Variants in NLGN1 observed in about 807,000 individuals in gnomAD.
NLGN1 encodes neuroligin 1.
NLGN1 carries 12 observed loss-of-function variants against 65.5 expected under a neutral mutation model. That is an observed-to-expected ratio of 0.18 (90% confidence interval 0.12 to 0.30). NLGN1 has a LOEUF of 0.30. Ranked by LOEUF, NLGN1 falls within the 10% of genes least tolerant of loss-of-function variation. The pLI is 1.00. For missense variants in NLGN1, 750 were observed against 1,007.1 expected (o/e 0.74, Z 3.46); for synonymous variants, 350 against 359.5 (o/e 0.97, Z 0.30).
intron 3 of NLGN1, among the ~76,000 whole-genome samples, chr3:173,777,062 T>A (rs901927345): frequency 6.6e-6 from 1 of 151,926 alleles, no homozygotes; most frequent in Non-Finnish European, 1.5e-5. Context: ...AAATTCAAAT[T>A]TTTCACTCCT....
chr3:174,069,899 G>A (rs190494652), intron 4 of NLGN1, among the ~76,000 whole-genome samples: 2 of 152,314 alleles, frequency 1.3e-5, no homozygotes, highest in Admixed American at 6.5e-5. Context: ...ACTGGGTTGA[G>A]TGACTTAAGC....
At chr3:173,502,098 A>T (rs1020455719) in intron 2 of NLGN1, among the ~76,000 whole-genome samples, 3 of 151,954 alleles carry the variant, frequency 2.0e-5, no homozygotes, top group Non-Finnish European at 4.4e-5. Context: ...ACACTGTAAT[A>T]TTTTTTTCCA....
chr3:174,090,081 A>C (rs1045758964), intron 4 of NLGN1, among the ~76,000 whole-genome samples: 5 of 152,180 alleles, frequency 3.3e-5, no homozygotes, highest in African/African-American at 1.2e-4. Context: ...TTATTAAAAA[A>C]TGTAATCACT....
chr3:173,873,546 A>G (rs2150882908), intron 4 of NLGN1, among the ~76,000 whole-genome samples: 1 of 152,344 alleles, frequency 6.6e-6, no homozygotes, highest in African/African-American at 2.4e-5. Context: ...GGGGGTTATT[A>G]ACATAAAACA....
At chr3:173,828,931 G>GT (rs1553863088) in intron 4 of NLGN1, among the ~76,000 whole-genome samples, 2,238 of 101,904 alleles carry the variant, frequency 0.022, 71 homozygotes, top group African/African-American at 0.12. Flanking sequence ...GTTGCTTTTT[G>GT]GGGGGGATTA....
intron 3 of NLGN1, among the ~76,000 whole-genome samples, chr3:173,664,307 CACA>C (rs1761397779): frequency 6.6e-6 from 1 of 151,936 alleles, no homozygotes; most frequent in Admixed American, 6.6e-5. Context: ...TCAGAAAGCC[CACA>C]ACATTTATTT....
At chr3:174,084,693 C>T (rs1742913431) in intron 4 of NLGN1, among the ~76,000 whole-genome samples, 1 of 152,032 alleles carries the variant, frequency 6.6e-6, no homozygotes, top group Non-Finnish European at 1.5e-5. Flanking sequence ...TGAGAAAATA[C>T]TGTTCCTGAC....
At chr3:173,530,193 G>T (rs1736332981) in intron 2 of NLGN1, among the ~76,000 whole-genome samples, 1 of 152,120 alleles carries the variant, frequency 6.6e-6, no homozygotes. Context: ...GACCTCAAGT[G>T]ATCCTGCTGT....
intron 3 of NLGN1, among the ~76,000 whole-genome samples, chr3:173,754,011 A>C (rs1400227141): frequency 1.8e-5 from 2 of 113,454 alleles, no homozygotes; most frequent in Non-Finnish European, 3.7e-5. Flanking sequence ...TTTTTTCTTT[A>C]TTTCTTTCTT....
intron 3 of NLGN1, among the ~76,000 whole-genome samples, chr3:173,642,604 G>A (rs1375959427): frequency 6.6e-6 from 1 of 152,184 alleles, no homozygotes; most frequent in Non-Finnish European, 1.5e-5. Context: ...TACTCAGGAA[G>A]TTCTTGCCTT....
At chr3:173,961,141 A>G (rs1002245208) in intron 4 of NLGN1, among the ~76,000 whole-genome samples, 3 of 152,018 alleles carry the variant, frequency 2.0e-5, no homozygotes, top group African/African-American at 4.8e-5. Flanking sequence ...TGTATACTTT[A>G]CTTTCCTCGG....
chr3:173,685,147 AC>A (rs1170622561), intron 3 of NLGN1, among the ~76,000 whole-genome samples: 1 of 152,192 alleles, frequency 6.6e-6, no homozygotes, highest in Non-Finnish European at 1.5e-5. Context: ...TGTTACGTTA[AC>A]AATAATTACA....
At chr3:174,045,152 C>T (rs1461603894) in intron 4 of NLGN1, among the ~76,000 whole-genome samples, 2 of 152,124 alleles carry the variant, frequency 1.3e-5, no homozygotes, top group East Asian at 3.9e-4. Flanking sequence ...TGCCCCACTA[C>T]CCAGTAACAA....
At chr3:173,731,250 A>G (rs990682197) in intron 3 of NLGN1, among the ~76,000 whole-genome samples, 1 of 152,118 alleles carries the variant, frequency 6.6e-6, no homozygotes. Flanking sequence ...AGTTGTATAC[A>G]TTTGTTAATT....
At chr3:173,638,125 T>A (rs1331304732) in intron 3 of NLGN1, among the ~76,000 whole-genome samples, 1 of 151,948 alleles carries the variant, frequency 6.6e-6, no homozygotes, top group Non-Finnish European at 1.5e-5. Context: ...GCCAGTTCAC[T>A]TTTTTTTCAG....
chr3:174,246,232 A>G (rs913413659), intron 4 of NLGN1, among the ~76,000 whole-genome samples: 11 of 152,160 alleles, frequency 7.2e-5, no homozygotes, highest in Non-Finnish European at 1.0e-4. Flanking sequence ...TTACTTACCT[A>G]TTTTGAGTCA....
At chr3:174,075,664 T>TA (rs58695578) in intron 4 of NLGN1, among the ~76,000 whole-genome samples, 1 of 152,096 alleles carries the variant, frequency 6.6e-6, no homozygotes, top group Non-Finnish European at 1.5e-5. Flanking sequence ...ATTTCTATAT[T>TA]AAAAAATGTC....
chr3:173,721,289 C>G (rs1770793792), intron 3 of NLGN1, among the ~76,000 whole-genome samples: 1 of 152,192 alleles, frequency 6.6e-6, no homozygotes, highest in Non-Finnish European at 1.5e-5. Context: ...TGTGTCCAAT[C>G]AAAAAGTACA....
intron 3 of NLGN1, among the ~76,000 whole-genome samples, chr3:173,658,968 T>G (rs1270606660): frequency 6.6e-6 from 1 of 152,070 alleles, no homozygotes; most frequent in Non-Finnish European, 1.5e-5. Flanking sequence ...ACAGTTAACC[T>G]TATCTGATGC....
Sources: gnomAD v4.1 joint callset for allele counts (sites outside exome capture counted in the v4.1 genomes callset) on GRCh38, gnomAD v4.1.1 for gene constraint, MANE v1.5 for transcripts, NCBI Gene and HGNC (gene_info 2026-07-23, HGNC 2026-07-21) for gene names.